The following ATP11B variants were observed in gnomAD, a reference collection of about 807,000 sequenced individuals.
ATP11B encodes phospholipid-transporting ATPase IF.
ATP11B carries 81 observed loss-of-function variants against 157.8 expected under a neutral mutation model. That is an observed-to-expected ratio of 0.51 (90% CI 0.43 to 0.62). The LOEUF is 0.62. Among genes scored for constraint, ATP11B ranks in the 20% least tolerant of loss-of-function variants. The pLI, the probability that ATP11B is intolerant of heterozygous loss-of-function variation, is 0.00. For synonymous variants in ATP11B, 451 were observed against 469.4 expected, an observed-to-expected ratio of 0.96 and a Z score of 0.51; for missense variants, 1,165 against 1,402.2, an observed-to-expected ratio of 0.83 and a Z score of 2.70.
chr3:182,889,474 A>T lies in ATP11B; in HGVS notation c.2908A>T (p.Ser970Cys), dbSNP rs1329707899. 1.1e-5 allele frequency: 17 copies of T among 1,577,358 alleles called. 1 individual carries two copies. Among genetic ancestry groups the T allele is most frequent in the Non-Finnish European group, 1.3e-5 (15 of 1,167,980 alleles). ...TCTTTATTGGACCATCCTGGGCTTC[A>T]GTCATGCCTTTATTTTCTTTTTTGG... is the stretch of plus-strand genomic sequence containing the variant. Reference protein sequence around the residue: ...TFLYWTILGFSHAFIFFFGSY... With the variant: ...TFLYWTILGFCHAFIFFFGSY... Residue 970 changes from serine to cysteine, a missense_variant, in exon 25 of 30, where the codon AGT becomes TGT. This residue lies in a region of ATP11B where 303 missense variants were observed against 296.3 expected (regional missense o/e 1.02). Transcript: ENST00000323116.
chr3:182,864,443 G>C (rs1231827372), intron 12 of ATP11B, among the ~76,000 whole-genome samples: 3 of 151,968 alleles, frequency 2.0e-5, no homozygotes, highest in African/African-American at 7.2e-5. Context: ...CCAGTTTGTT[G>C]AACGCCTTTA....
intron 4 of ATP11B, chr3:182,833,899 T>A (rs1425397700): frequency 1.3e-5 from 2 of 152,238 alleles, no homozygotes; most frequent in African/African-American, 4.8e-5. Flanking sequence ...TGTTTGATCC[T>A]ATTTAGGAAA....
chr3:182,883,430 G>A (rs1722567292), intron 21 of ATP11B, among the ~76,000 whole-genome samples: 1 of 151,386 alleles, frequency 6.6e-6, no homozygotes, highest in Admixed American at 6.6e-5. Flanking sequence ...ACTAATTTTT[G>A]TATTTTTAGT....
chr3:182,800,605 C>T (rs1715937331), intron 1 of ATP11B, among the ~76,000 whole-genome samples: 1 of 152,092 alleles, frequency 6.6e-6, no homozygotes, highest in Admixed American at 6.5e-5. Context: ...GAATGACATG[C>T]ATTGAATTTC....
At chr3:182,914,932 G>A (rs1400845620) in intron 29 of ATP11B, 5 of 985,370 alleles carry the variant, frequency 5.1e-6, no homozygotes, top group Non-Finnish European at 6.0e-6. Context: ...TGGGCAGGGA[G>A]AGATGTTGGT....
chr3:182,817,081 G>C (rs1212439841), intron 1 of ATP11B, among the ~76,000 whole-genome samples: 1 of 152,062 alleles, frequency 6.6e-6, no homozygotes, highest in African/African-American at 2.4e-5. Flanking sequence ...ACTATAATAT[G>C]ATTGAATGAG....
At chr3:182,900,890 T>TA (rs1459922819) in intron 28 of ATP11B, among the ~76,000 whole-genome samples, 5 of 150,286 alleles carry the variant, frequency 3.3e-5, no homozygotes, top group Admixed American at 2.7e-4. Context: ...TACTAAAAAT[T>TA]AAAAAAATAG....
chr3:182,843,391 A>T, intron 8 of ATP11B: 1 of 152,226 alleles, frequency 6.6e-6, no homozygotes, highest in East Asian at 1.9e-4. Flanking sequence ...CTCCTTATAC[A>T]TTTAAACCGA....
intron 10 of ATP11B, among the ~76,000 whole-genome samples, chr3:182,853,629 A>C: frequency 6.6e-6 from 1 of 152,336 alleles, no homozygotes; most frequent in Admixed American, 6.5e-5. Flanking sequence ...CAAGATTTAT[A>C]TAATGAAAAT....
intron 28 of ATP11B, among the ~76,000 whole-genome samples, chr3:182,904,531 G>A (rs1429449274): frequency 6.6e-6 from 1 of 152,188 alleles, no homozygotes; most frequent in Non-Finnish European, 1.5e-5. Context: ...TGACAGAGAG[G>A]AAAACTGTAT....
chr3:182,896,385 G>A (rs1273834276), intron 25 of ATP11B, among the ~76,000 whole-genome samples: 1 of 152,134 alleles, frequency 6.6e-6, no homozygotes, highest in Non-Finnish European at 1.5e-5. Flanking sequence ...TTTTTACTGT[G>A]CAACAGCAAT....
chr3:182,797,740 C>CT (rs2108479026), intron 1 of ATP11B, among the ~76,000 whole-genome samples: 1 of 150,580 alleles, frequency 6.6e-6, no homozygotes, highest in South Asian at 2.1e-4. Context: ...AAAAAGAACT[C>CT]TCATTTTTTT....
chr3:182,896,507 A>G (rs1344222853), intron 25 of ATP11B, among the ~76,000 whole-genome samples, 193 bp from the exon 26 acceptor site: 1 of 152,230 alleles, frequency 6.6e-6, no homozygotes, highest in Non-Finnish European at 1.5e-5. Flanking sequence ...ATCATTGTCT[A>G]TAATAATAAC....
chr3:182,804,990 T>C lies in ATP11B; in HGVS notation c.27+11204T>C, dbSNP rs541818856. ...CTTTTTATTGCCAAATAATACTCAA[T>C]TTTATGGATATACCACATTTTTTAA... On this transcript the variant is annotated intron_variant, in intron 1 of 29. Transcript: ENST00000323116. Among the ~76,000 whole-genome samples, 8 of 152,342 alleles carry C rather than the reference T, an allele frequency of 5.3e-5. No homozygotes were observed. The South Asian group carries it at 1.7e-3, about 32-fold the overall frequency.
chr3:182,917,460 AG>A, intron 29 of ATP11B: 1 of 985,398 alleles, frequency 1.0e-6, no homozygotes, highest in African/African-American at 1.7e-5. Flanking sequence ...AGACCAGTAG[AG>A]GATCGTTTGT....
intron 7 of ATP11B, 133 bp downstream of exon 7, chr3:182,837,307 A>G (rs752352191): frequency 6.8e-6 from 4 of 590,656 alleles, no homozygotes; most frequent in African/African-American, 1.9e-5. Context: ...GGGAGATGCA[A>G]TTAATGGTGA....
chr3:182,906,125 T>G (rs1724333248), intron 28 of ATP11B, among the ~76,000 whole-genome samples: 1 of 152,244 alleles, frequency 6.6e-6, no homozygotes, highest in Non-Finnish European at 1.5e-5. Flanking sequence ...TCAATCTCTC[T>G]TTAGAGTTCC....
At chr3:182,916,486 T>C in intron 29 of ATP11B, 2 of 985,360 alleles carry the variant, frequency 2.0e-6, no homozygotes, top group Non-Finnish European at 2.4e-6. Flanking sequence ...TATCCCATAT[T>C]GCAAGCTCAG....
chr3:182,836,205 C>A (rs1718538385), intron 5 of ATP11B, 63 bp downstream of exon 5: 2 of 1,561,058 alleles, frequency 1.3e-6, no homozygotes, highest in African/African-American at 2.7e-5. Context: ...TAATTCTAAT[C>A]TTGATATTAC....
Sources: gnomAD v4.1 joint callset for allele counts (sites outside exome capture counted in the v4.1 genomes callset) on GRCh38, gnomAD v4.1.1 for gene constraint, gnomAD v4.1.1 regional missense constraint, MANE v1.5 for transcripts, NCBI Gene and HGNC (gene_info 2026-07-23, HGNC 2026-07-21) for gene names.